RRP1B: variants seen among roughly 807,000 people sequenced by gnomAD.
RRP1B encodes the protein ribosomal RNA processing protein 1 homolog B.
Under a neutral mutation model 80.2 loss-of-function variants are expected in RRP1B, and 56 were observed. That is an observed-to-expected ratio of 0.70 (90% CI 0.56 to 0.87). RRP1B has a LOEUF of 0.87. RRP1B is among the 40% of genes least tolerant of loss of function. The pLI is 0.00. For synonymous variants in RRP1B, 351 were observed against 357.6 expected (o/e 0.98, Z 0.21); for missense variants, 807 against 939.8 (o/e 0.86, Z 1.85).
At chr21:43,673,186 T>G (rs1318402278) in intron 3 of RRP1B, among the ~76,000 whole-genome samples, 6 of 152,210 alleles carry the variant, frequency 3.9e-5, no homozygotes, top group African/African-American at 7.2e-5. Flanking sequence ...GAGGTACCAG[T>G]GCAGTAGGAA....
chr21:43,671,655 T>C (rs1295544109), intron 2 of RRP1B, among the ~76,000 whole-genome samples: 2 of 149,692 alleles, frequency 1.3e-5, no homozygotes, highest in African/African-American at 4.9e-5. Flanking sequence ...ATTACAGGCA[T>C]GAGCTGCCCA....
At chr21:43,692,181 T>C (rs927084215) in intron 15 of RRP1B, among the ~76,000 whole-genome samples, 1 of 152,260 alleles carries the variant, frequency 6.6e-6, no homozygotes, top group African/African-American at 2.4e-5. Context: ...CAGCTGTAGC[T>C]GTCTCTCTGC....
chr21:43,667,290 G>A (rs117043907), intron 1 of RRP1B, among the ~76,000 whole-genome samples: 47 of 152,188 alleles, frequency 3.1e-4, no homozygotes, highest in African/African-American at 9.9e-4. Context: ...GCAGTGGCAC[G>A]ATTATAGCTT....
intron 6 of RRP1B, among the ~76,000 whole-genome samples, chr21:43,675,843 C>CATTTT (rs374076927): frequency 0.13 from 18,514 of 142,848 alleles, 1,468 homozygotes; most frequent in Non-Finnish European, 0.16. Flanking sequence ...GGGTATTTTG[C>CATTTT]ATTTTATTTT....
At chr21:43,681,198 G>A (rs562099783) in intron 8 of RRP1B, among the ~76,000 whole-genome samples, 4 of 151,956 alleles carry the variant, frequency 2.6e-5, no homozygotes, top group South Asian at 2.1e-4. Context: ...AGCCAAGATC[G>A]TGCCACTGCA....
At chr21:43,690,570 G>A (rs1475815687) in intron 14 of RRP1B, 130 bp downstream of exon 14, 15 of 1,002,892 alleles carry the variant, frequency 1.5e-5, no homozygotes, top group Non-Finnish European at 2.2e-5. Flanking sequence ...CAGTGGACAG[G>A]TTCCACGGCC....
At chr21:43,665,765 C>A (rs2082975945) in intron 1 of RRP1B, among the ~76,000 whole-genome samples, 1 of 152,138 alleles carries the variant, frequency 6.6e-6, no homozygotes. Flanking sequence ...CATGACAACT[C>A]CCCTTCCCCT....
At chr21:43,690,941 A>G (rs1176976325) in intron 14 of RRP1B, among the ~76,000 whole-genome samples, 2 of 152,304 alleles carry the variant, frequency 1.3e-5, no homozygotes, top group South Asian at 2.1e-4. Flanking sequence ...CTGTGTGTCC[A>G]TTGTCCATTG....
rs945336645 is a variant in RRP1B, at chr21:43,694,020, T to A, written c.*637T>A. On this transcript the variant is annotated 3_prime_UTR_variant, in exon 16 of 16. Coordinates refer to ENST00000340648, the MANE Select transcript of RRP1B (RefSeq NM_015056.3). ...GCGTTCTGGGGGCTTTTTCTTCTCC[T>A]CCCCCTACCCGGTTTCCCTCCCTGT... 1 of 152,484 alleles carries A rather than the reference T, an allele frequency of 6.6e-6. No homozygotes were observed. The highest frequency in any genetic ancestry group is 2.4e-5 in the African/African-American group (1 of 41,382). 9.4% of individuals were successfully genotyped at this position (152,484 alleles called of 1,614,324 possible).
chr21:43,691,725 G>GC lies in RRP1B; in HGVS notation c.2083+230dup, dbSNP rs934452506. On this transcript the variant is annotated intron_variant, in intron 15 of 15. Transcript: ENST00000340648. The surrounding 1 kb of genome is among the most constrained non-coding windows in gnomAD (Gnocchi z 4.2). The stretch of plus-strand genomic sequence containing the variant: ...GAGATCTTGGCTCACTGCAACCTCC[G>GC]CCCCCCCAGGTTCAAGCGATTCTCC... 8.7e-5 allele frequency among the ~76,000 whole-genome samples: 13 copies of GC among 149,968 alleles called. No individual in the cohort carries two copies. The highest frequency in any genetic ancestry group is 1.0e-4 in the Non-Finnish European group (7 of 67,636).
intron 6 of RRP1B, among the ~76,000 whole-genome samples, 166 bp from the exon 7 acceptor site, chr21:43,676,106 G>A (rs1227800972): frequency 6.6e-6 from 1 of 152,138 alleles, no homozygotes; most frequent in Non-Finnish European, 1.5e-5. Flanking sequence ...TCTTCAGCCT[G>A]GCTCCAGGCT....
chr21:43,669,600 A>G (rs948178594), intron 1 of RRP1B, among the ~76,000 whole-genome samples: 1 of 152,216 alleles, frequency 6.6e-6, no homozygotes, highest in African/African-American at 2.4e-5. Context: ...AGCCGATTTC[A>G]TAAGTGGCCA....
Position 43,693,641 on chromosome 21 carries a change from C to T in RRP1B, c.*258C>T, listed in dbSNP as rs992441162. The T allele has an allele frequency of 2.5e-5, 10 of 396,388 alleles. No individual in the cohort carries two copies. The highest frequency in any genetic ancestry group is 4.0e-5 in the Non-Finnish European group (9 of 225,128). 24.6% of individuals were successfully genotyped at this position (396,388 alleles called of 1,614,324 possible). On this transcript the variant is annotated 3_prime_UTR_variant, in exon 16 of 16. Transcript: ENST00000340648. This position sits in a 1 kb window ranked among gnomAD's most constrained non-coding sequence, Gnocchi z 4.1. ...ACATTTTTGGGTAACCTCAGTGATT[C>T]CCATTGGTGTAGGAAATGAGACCCT...
chr21:43,691,350 C>T lies in RRP1B; in HGVS notation c.2020-89C>T, dbSNP rs185477621. 4.0e-5 allele frequency: 50 copies of T among 1,243,300 alleles called. No individual in the cohort carries two copies. In the East Asian group the frequency reaches 8.2e-4, roughly 20 times the overall value. The allele number at this position is 1,243,300 out of a possible 1,614,324, so 77.0% of individuals were successfully genotyped here. Reference sequence around the variant, plus strand: ...TAAGCAGCAGTGTGGGCGGCATACCCTCCAGGGCAGGTTCTCCAGAAAAAT... The same window carrying T: ...TAAGCAGCAGTGTGGGCGGCATACCTTCCAGGGCAGGTTCTCCAGAAAAAT... On this transcript the variant is annotated intron_variant, in intron 14 of 15. Coordinates refer to ENST00000340648, the MANE Select transcript of RRP1B (RefSeq NM_015056.3). This position sits in a 1 kb window ranked among gnomAD's most constrained non-coding sequence, Gnocchi z 4.2.
At chr21:43,678,347 A>G (rs2083030225) in intron 8 of RRP1B, among the ~76,000 whole-genome samples, 1 of 152,072 alleles carries the variant, frequency 6.6e-6, no homozygotes, top group African/African-American at 2.4e-5. Context: ...TTTAGTAGAG[A>G]TGGGGTTTGA....
At chr21:43,665,895 C>T (rs1357967616) in intron 1 of RRP1B, among the ~76,000 whole-genome samples, 1 of 152,202 alleles carries the variant, frequency 6.6e-6, no homozygotes, top group African/African-American at 2.4e-5. Context: ...TCCTTTATAG[C>T]AGCGCAACAG....
At chr21:43,662,625 A>G (rs78820230) in intron 1 of RRP1B, among the ~76,000 whole-genome samples, 187 of 136,732 alleles carry the variant, frequency 1.4e-3, no homozygotes, top group African/African-American at 5.3e-3. Context: ...ATAAATTGGA[A>G]ATCTTTGTAT....
In RRP1B at chr21:43,659,584, C is replaced by T. The variant is rs1187184540; in HGVS notation, c.-81C>T. 25 of 1,263,646 alleles carry T rather than the reference C, an allele frequency of 2.0e-5. No homozygotes were observed. The highest frequency in any genetic ancestry group is 2.3e-5 in the Non-Finnish European group (23 of 1,005,024). 78.3% of individuals were successfully genotyped at this position (1,263,646 alleles called of 1,614,324 possible). ...TCTGTGCAGTCGCGGCCCGGGCGGACGGTGGCTGGCTGCTCCGCAGCGCTC... is the reference window on the plus strand; with the variant it reads ...TCTGTGCAGTCGCGGCCCGGGCGGATGGTGGCTGGCTGCTCCGCAGCGCTC... On this transcript the variant is annotated 5_prime_UTR_variant, in exon 1 of 16. In the 5' UTR this introduces an upstream ATG that the reference lacks. Transcript: ENST00000340648. This position sits in a 1 kb window ranked among gnomAD's most constrained non-coding sequence, Gnocchi z 4.2.
Position 43,691,867 on chromosome 21 carries a change from A to G in RRP1B, c.2083+365A>G, listed in dbSNP as rs2083088234. Among the ~76,000 whole-genome samples the G allele has an allele frequency of 6.6e-6, 1 of 151,874 alleles. No homozygotes were observed. The highest frequency in any genetic ancestry group is 1.5e-5 in the Non-Finnish European group (1 of 67,968). ...TCACCATGTCAGCCAGGCTGGTCTC[A>G]AACTCCTGACCTCAGGTGATCTGCC... On this transcript the variant is annotated intron_variant, in intron 15 of 15. Transcript: ENST00000340648. The surrounding 1 kb of genome is among the most constrained non-coding windows in gnomAD (Gnocchi z 4.2).
Sources: gnomAD v4.1 joint callset for allele counts (sites outside exome capture counted in the v4.1 genomes callset) on GRCh38, gnomAD v4.1.1 for gene constraint, Gnocchi (gnomAD v3.1) non-coding constraint, MANE v1.5 for transcripts, NCBI Gene and HGNC (gene_info 2026-07-23, HGNC 2026-07-21) for gene names.